The following C2CD3 variants were observed in gnomAD, a reference collection of about 807,000 sequenced individuals.
The protein encoded by C2CD3 is C2 domain containing 3 centriole elongation regulator, also known as C2 domain-containing protein 3.
A neutral mutation model predicts 234.0 loss-of-function variants in C2CD3; 148 were observed. The observed-to-expected ratio is 0.63, with a 90% CI of 0.55 to 0.72. The LOEUF (loss-of-function observed/expected upper bound fraction) is 0.72. Among genes scored for constraint, C2CD3 ranks in the 30% least tolerant of loss-of-function variants. The pLI, the probability that C2CD3 is intolerant of heterozygous loss-of-function variation, is 0.00. For missense variants in C2CD3, 2,577 were observed against 2,811.5 expected, an observed-to-expected ratio of 0.92 and a Z score of 1.89; for synonymous variants, 1,000 against 1,035.4, an observed-to-expected ratio of 0.97 and a Z score of 0.66.
intron 26 of C2CD3, among the ~76,000 whole-genome samples, chr11:74,053,550 C>T (rs1162121637): frequency 6.6e-6 from 1 of 152,226 alleles, no homozygotes; most frequent in African/African-American, 2.4e-5. Context: ...ACCATAATAT[C>T]AGCACATCCC....
chr11:74,086,044 T>C (rs1406091082), intron 20 of C2CD3, among the ~76,000 whole-genome samples, 158 bp from the exon 21 acceptor site: 1 of 152,160 alleles, frequency 6.6e-6, no homozygotes, highest in Non-Finnish European at 1.5e-5. Flanking sequence ...CAATGGGCTT[T>C]CTTAGTAATC....
chr11:74,089,254 C>T (rs1955782459), intron 20 of C2CD3, among the ~76,000 whole-genome samples: 1 of 151,966 alleles, frequency 6.6e-6, no homozygotes, highest in Admixed American at 6.6e-5. Context: ...TAGCATCATG[C>T]GACATACCCA....
chr11:74,048,277 T>C lies in C2CD3; in HGVS notation c.5423A>G (p.His1808Arg). 1 of 1,613,804 alleles carries C rather than the reference T, an allele frequency of 6.2e-7. No individual in the cohort carries two copies. Among genetic ancestry groups the C allele is most frequent in the Non-Finnish European group, 8.5e-7 (1 of 1,179,826 alleles). Residue 1808 changes from histidine to arginine, a missense_variant, in exon 28 of 33, where the codon CAC (histidine) becomes CGC (arginine). Transcript: ENST00000334126. ...TTGGTCTAGGGTCTGCCTTGCCATG[T>C]GGCTGGAGAATGCAGCATACGTATC... ...ASDTYAAFSS[H>R]MARQTLDQLA...
intron 19 of C2CD3, among the ~76,000 whole-genome samples, chr11:74,091,757 A>G (rs964215793): frequency 6.6e-6 from 1 of 152,170 alleles, no homozygotes; most frequent in Non-Finnish European, 1.5e-5. Flanking sequence ...GTACCATATA[A>G]TGCTTAGAAT....
At chr11:74,072,825 A>G (rs145809516) in intron 24 of C2CD3, among the ~76,000 whole-genome samples, 417 of 152,332 alleles carry the variant, frequency 2.7e-3, no homozygotes, top group Non-Finnish European at 5.1e-3. Context: ...AACAAATGAG[A>G]TGAGGTCTTT....
Position 74,048,199 on chromosome 11 carries a change from A to T in C2CD3, c.5495+6T>A. 2 of 1,612,152 alleles carry T rather than the reference A, an allele frequency of 1.2e-6. No individual in the cohort carries two copies. Among genetic ancestry groups the T allele is most frequent in the Non-Finnish European group, 1.7e-6 (2 of 1,179,142 alleles). ...CATTTCTTCTCATCATCAAGAATTC[A>T]CTCACCTCCCAGGAGAGGAGAAATC... On this transcript the variant is annotated splice_donor_region_variant and intron_variant, in intron 28 of 32. Transcript: ENST00000334126.
At chr11:74,034,836 G>C (rs1012159988) in intron 30 of C2CD3, among the ~76,000 whole-genome samples, 8 of 152,210 alleles carry the variant, frequency 5.3e-5, no homozygotes, top group African/African-American at 1.9e-4. Flanking sequence ...TGTTAACTTT[G>C]TGATCATAAG....
chr11:74,064,428 A>G (rs1954407056), intron 24 of C2CD3, among the ~76,000 whole-genome samples: 1 of 152,210 alleles, frequency 6.6e-6, no homozygotes, highest in African/African-American at 2.4e-5. Context: ...AAGAGGACAC[A>G]ATCAAATGGA....
chr11:74,146,747 C>CACACACACACATAT (rs58129019), intron 3 of C2CD3, among the ~76,000 whole-genome samples: 2 of 144,004 alleles, frequency 1.4e-5, no homozygotes, highest in Non-Finnish European at 3.1e-5. Context: ...CACACACACA[C>CACACACACACATAT]AATTAACATA....
chr11:74,095,716 C>T lies in C2CD3; in HGVS notation c.2980-308G>A, dbSNP rs1016445309. On this transcript the variant is annotated intron_variant, in intron 16 of 32. Coordinates refer to ENST00000334126, the MANE Select transcript of C2CD3 (RefSeq NM_001286577.2). ...ATTTGATAAAATTCAACATTTGTTC[C>T]TGATAAAAGCTCTTAATATACTAAG... is the stretch of plus-strand genomic sequence containing the variant. 2.0e-5 allele frequency among the ~76,000 whole-genome samples: 3 copies of T among 152,076 alleles called. No homozygotes were observed. The East Asian group carries it at 5.8e-4, about 29-fold the overall frequency.
chr11:74,041,233 C>G (rs1484100720), intron 29 of C2CD3, among the ~76,000 whole-genome samples: 1 of 152,088 alleles, frequency 6.6e-6, no homozygotes, highest in African/African-American at 2.4e-5. Context: ...GTCTGACATT[C>G]AAGGACCTTC....
chr11:74,116,749 G>C (rs1956939294), intron 9 of C2CD3, among the ~76,000 whole-genome samples: 1 of 149,454 alleles, frequency 6.7e-6, no homozygotes, highest in Non-Finnish European at 1.5e-5. Flanking sequence ...TCAATGAATG[G>C]ATAAAGAAAT....
chr11:74,078,287 C>G lies in C2CD3; in HGVS notation c.4431G>C (p.Arg1477Ser), dbSNP rs75137555. The G allele has an allele frequency of 9.9e-6, 16 of 1,613,998 alleles. No homozygotes were observed. The highest frequency in any genetic ancestry group is 1.7e-5 in the Admixed American group (1 of 59,988). Residue 1477 changes from arginine (R) to serine (S), a missense_variant, in exon 23 of 33, where the codon AGG (arginine) becomes AGC (serine). By Grantham distance (110) the Arg-to-Ser change is moderately radical. Coordinates refer to ENST00000334126, the MANE Select transcript of C2CD3 (RefSeq NM_001286577.2). ...TGAAGTACCAAAGCAGTGATGGGCCCCTGGTGACTTCTGCTCTTTTGGATG... is the reference window on the plus strand; with the variant it reads ...TGAAGTACCAAAGCAGTGATGGGCCGCTGGTGACTTCTGCTCTTTTGGATG... ...FKASKRAEVT[R>S]GPSLLWYFRE... is the part of the protein sequence containing the mutation.
In C2CD3 at chr11:74,055,112, T is replaced by C. The variant is rs566431356; in HGVS notation, c.5091-441A>G. Among the ~76,000 whole-genome samples the C allele has an allele frequency of 2.6e-5, 4 of 152,362 alleles. No individual in the cohort carries two copies. The East Asian group carries it at 7.7e-4, about 29-fold the overall frequency. ...CAGGCATGGCACCACGTGTTTCATA[T>C]ACATTTCATCTGCACAAAAGCCTAT... On this transcript the variant is annotated intron_variant, in intron 25 of 32. Coordinates refer to ENST00000334126, the MANE Select transcript of C2CD3 (RefSeq NM_001286577.2).
At chr11:74,117,086 G>T (rs1290652601) in intron 9 of C2CD3, among the ~76,000 whole-genome samples, 2 of 50,992 alleles carry the variant, frequency 3.9e-5, no homozygotes, top group Non-Finnish European at 7.1e-5. Flanking sequence ...ATATATATAT[G>T]AATATATATA....
intron 1 of C2CD3, among the ~76,000 whole-genome samples, chr11:74,169,088 G>A (rs1470111669): frequency 6.6e-6 from 1 of 152,084 alleles, no homozygotes; most frequent in East Asian, 1.9e-4. Context: ...CGATAAAACA[G>A]CAACAACTCC....
At chr11:74,145,453 G>A (rs950070798) in intron 3 of C2CD3, among the ~76,000 whole-genome samples, 4 of 152,068 alleles carry the variant, frequency 2.6e-5, no homozygotes, top group Admixed American at 2.6e-4. Flanking sequence ...ATAGATTCTG[G>A]ATATTAGACC....
chr11:74,045,669 T>A (rs2135426031), intron 28 of C2CD3, among the ~76,000 whole-genome samples: 1 of 152,190 alleles, frequency 6.6e-6, no homozygotes, highest in East Asian at 1.9e-4. Context: ...CCTCCTGGGC[T>A]CAAGCAATTC....
At position 74,115,091 on chromosome 11, in the gene C2CD3, TA is replaced by T. The variant is rs528447534; in HGVS notation, c.1521-499del. 7.0e-4 allele frequency among the ~76,000 whole-genome samples: 104 copies of T among 147,984 alleles called. No homozygotes were observed. In the South Asian group the frequency reaches 0.016, roughly 23 times the overall value. The stretch of plus-strand genomic sequence containing the variant: ...ATAGTACAAGAAATCTCAAAAAATG[TA>T]AAAAAAAAATATAATCTAAAGGTTT... On this transcript the variant is annotated intron_variant, in intron 9 of 32. Transcript: ENST00000334126.
Sources: allele counts gnomAD v4.1 joint callset (sites outside exome capture counted in the v4.1 genomes callset), GRCh38; gene constraint gnomAD v4.1.1; transcripts MANE v1.5; gene names NCBI Gene and HGNC (gene_info 2026-07-23, HGNC 2026-07-21).